Variants in RFPL1 observed in about 807,000 individuals in gnomAD.
RFPL1 encodes ret finger protein like 1.
RFPL1 carries 6 observed loss-of-function variants against 9.6 expected under a neutral mutation model. That is an observed-to-expected ratio of 0.62 (90% CI 0.34 to 1.23). The LOEUF (loss-of-function observed/expected upper bound fraction) is 1.23. Ranked by LOEUF, RFPL1 falls within the 50% of genes most tolerant of loss-of-function variation. RFPL1 has a pLI of 0.03. For synonymous variants in RFPL1, 145 were observed against 149.4 expected (o/e 0.97, Z 0.22); for missense variants, 352 against 398.4 (o/e 0.88, Z 0.99).
At chr22:29,426,707 C>T in the RFPL1 span, among the ~76,000 whole-genome samples, 1 of 151,918 alleles carries the variant, frequency 6.6e-6, no homozygotes, top group African/African-American at 2.4e-5. Context: ...GAGATCGTGC[C>T]ATTGCACTCC....
At chr22:29,441,800 C>G in exon 2 of RFPL1, 1 of 1,613,988 alleles carries the variant, frequency 6.2e-7, no homozygotes, top group Admixed American at 1.7e-5. Flanking sequence ...CATCTGACCA[C>G]AGAGCGTGGA....
the RFPL1 span, among the ~76,000 whole-genome samples, chr22:29,408,403 G>A: frequency 6.6e-6 from 1 of 152,046 alleles, no homozygotes; most frequent in Non-Finnish European, 1.5e-5. Flanking sequence ...CCTGTCAACC[G>A]CCCACCTCCA....
intron 1 of RFPL1, chr22:29,441,163 A>G: frequency 4.0e-6 from 1 of 250,252 alleles, no homozygotes. Context: ...TACAAGATGG[A>G]AGCAGAAACA....
At chr22:29,394,324 T>TGTTTGTTGTTGTTTTTG in the RFPL1 span, among the ~76,000 whole-genome samples, 3 of 148,038 alleles carry the variant, frequency 2.0e-5, no homozygotes, top group Admixed American at 2.0e-4. Context: ...TGGCTAATTT[T>TGTTTGTTGTTGTTTTTG]GTTTGTTGTT....
At chr22:29,406,603 A>G in the RFPL1 span, among the ~76,000 whole-genome samples, 55,801 of 152,144 alleles carry the variant, frequency 0.37, 12,381 homozygotes, top group African/African-American at 0.6. Flanking sequence ...TAAGTGCAAC[A>G]AACCTTGCAA....
the RFPL1 span, among the ~76,000 whole-genome samples, chr22:29,420,190 G>A: frequency 6.6e-6 from 1 of 152,226 alleles, no homozygotes; most frequent in Non-Finnish European, 1.5e-5. Flanking sequence ...CTCCATGAGA[G>A]CTCAAGCATG....
chr22:29,411,107 A>C, the RFPL1 span, among the ~76,000 whole-genome samples: 1 of 152,196 alleles, frequency 6.6e-6, no homozygotes, highest in East Asian at 1.9e-4. Flanking sequence ...TTTCCTGGAT[A>C]AGGAAGAGGA....
chr22:29,390,745 G>A, the RFPL1 span, among the ~76,000 whole-genome samples: 5 of 150,884 alleles, frequency 3.3e-5, no homozygotes, highest in Non-Finnish European at 7.4e-5. Context: ...ACAGGCGCCC[G>A]CCACCACGCC....
the RFPL1 span, among the ~76,000 whole-genome samples, chr22:29,427,845 T>G: frequency 6.6e-6 from 1 of 152,208 alleles, no homozygotes; most frequent in Non-Finnish European, 1.5e-5. Context: ...TGTTGTTCTG[T>G]GTAAGAGCAG....
the RFPL1 span, among the ~76,000 whole-genome samples, chr22:29,415,462 G>T: frequency 6.6e-6 from 1 of 152,192 alleles, no homozygotes; most frequent in Non-Finnish European, 1.5e-5. Flanking sequence ...GCATTGCACC[G>T]GGGCAAATGC....
upstream of RFPL1, chr22:29,435,028 T>G (rs2062802086): frequency 6.6e-6 from 1 of 152,236 alleles, no homozygotes. Context: ...CAAAACCATT[T>G]AGACAATCAC....
chr22:29,426,138 C>T, the RFPL1 span, among the ~76,000 whole-genome samples: 4 of 150,558 alleles, frequency 2.7e-5, no homozygotes, highest in Admixed American at 6.6e-5. Context: ...GCCTGGCTAA[C>T]ATGGCCAAAC....
chr22:29,435,403 A>G (rs1602913291), upstream of RFPL1, among the ~76,000 whole-genome samples: 1 of 152,156 alleles, frequency 6.6e-6, no homozygotes, highest in Non-Finnish European at 1.5e-5. Flanking sequence ...TTCCTAAGTC[A>G]TTCTCACACT....
At chr22:29,424,797 G>T in the RFPL1 span, among the ~76,000 whole-genome samples, 1 of 148,954 alleles carries the variant, frequency 6.7e-6, no homozygotes, top group African/African-American at 2.5e-5. Context: ...ACTCCAGCGT[G>T]GTGACAGAGC....
intron 1 of RFPL1, 178 bp from the exon 2 acceptor site, chr22:29,441,364 A>C: frequency 1.4e-6 from 1 of 691,240 alleles, no homozygotes; most frequent in Non-Finnish European, 2.4e-6. Flanking sequence ...ATTGCCACAA[A>C]GCATACCTAT....
the RFPL1 span, among the ~76,000 whole-genome samples, chr22:29,418,496 CTTTTTTTTTTTTTT>C: frequency 8.0e-6 from 1 of 124,484 alleles, no homozygotes; most frequent in African/African-American, 3.0e-5. Flanking sequence ...TCTTCGTCTT[CTTTTTTTTTTTTTT>C]TTTTTTTGAG....
At chr22:29,389,481 T>G in the RFPL1 span, among the ~76,000 whole-genome samples, 1 of 151,294 alleles carries the variant, frequency 6.6e-6, no homozygotes, top group Non-Finnish European at 1.5e-5. Flanking sequence ...GGCCAGGAGA[T>G]CGAGACCATC....
the RFPL1 span, among the ~76,000 whole-genome samples, chr22:29,402,562 C>T: frequency 3.3e-5 from 5 of 151,990 alleles, no homozygotes; most frequent in South Asian, 2.1e-4. Context: ...CACGCTTTAT[C>T]GAGAGTGGGA....
chr22:29,390,472 C>A, the RFPL1 span, among the ~76,000 whole-genome samples: 1 of 152,118 alleles, frequency 6.6e-6, no homozygotes, highest in Admixed American at 6.5e-5. Flanking sequence ...ATACCCTTCA[C>A]CCAGCTTCCC....
Sources: gnomAD v4.1 joint callset for allele counts (sites outside exome capture counted in the v4.1 genomes callset) on GRCh38, gnomAD v4.1.1 for gene constraint, MANE v1.5 for transcripts, NCBI Gene and HGNC (gene_info 2026-07-23, HGNC 2026-07-21) for gene names.